ROBO1: variants seen among roughly 807,000 people sequenced by gnomAD.
ROBO1 encodes roundabout guidance receptor 1.
A neutral mutation model predicts 195.9 loss-of-function variants in ROBO1; 149 were observed. That is an observed-to-expected ratio of 0.76 (90% CI 0.67 to 0.87). The LOEUF is 0.87. ROBO1 is among the 40% of genes least tolerant of loss of function. ROBO1 has a pLI of 0.00. For synonymous variants in ROBO1, 816 were observed against 733.2 expected (o/e 1.11, Z -1.82); for missense variants, 1,933 against 2,068.3 (o/e 0.93, Z 1.27).
chr3:78,999,143 G>A (rs1395382544), intron 3 of ROBO1, among the ~76,000 whole-genome samples: 7 of 151,790 alleles, frequency 4.6e-5, no homozygotes, highest in Admixed American at 3.3e-4. Flanking sequence ...TGGAGATACC[G>A]TAAAAAAAAA....
chr3:79,382,314 G>C (rs1399791215), intron 2 of ROBO1, among the ~76,000 whole-genome samples: 1 of 152,074 alleles, frequency 6.6e-6, no homozygotes, highest in African/African-American at 2.4e-5. Flanking sequence ...AATCTAGCAA[G>C]AAGAAATAGA....
chr3:79,336,716 C>T (rs934896569), intron 2 of ROBO1, among the ~76,000 whole-genome samples: 4 of 152,174 alleles, frequency 2.6e-5, no homozygotes, highest in African/African-American at 9.7e-5. Flanking sequence ...GGCCACAGTC[C>T]TCCAGACCCA....
At chr3:78,923,728 G>A (rs1166190998) in intron 4 of ROBO1, among the ~76,000 whole-genome samples, 10 of 152,006 alleles carry the variant, frequency 6.6e-5, no homozygotes, top group Admixed American at 6.6e-4. Context: ...AGGTCCTCTG[G>A]CCTCTACCCT....
intron 20 of ROBO1, among the ~76,000 whole-genome samples, 187 bp from the exon 21 acceptor site, chr3:78,646,377 A>C (rs967398864): frequency 6.6e-6 from 1 of 150,708 alleles, no homozygotes; most frequent in Non-Finnish European, 1.5e-5. Flanking sequence ...GTATAGAATT[A>C]GATATACATA....
At chr3:79,400,261 A>G (rs185207776) in intron 2 of ROBO1, among the ~76,000 whole-genome samples, 1 of 152,236 alleles carries the variant, frequency 6.6e-6, no homozygotes, top group South Asian at 2.1e-4. Flanking sequence ...GAGTCACTCC[A>G]TAAAAGATAC....
At chr3:79,039,600 A>G (rs1344970932) in intron 3 of ROBO1, among the ~76,000 whole-genome samples, 1 of 152,066 alleles carries the variant, frequency 6.6e-6, no homozygotes, top group Non-Finnish European at 1.5e-5. Context: ...GTTCAAGACC[A>G]TCCTGGCCAA....
chr3:79,441,794 G>C (rs1410144427), intron 2 of ROBO1, among the ~76,000 whole-genome samples: 2 of 152,072 alleles, frequency 1.3e-5, no homozygotes, highest in African/African-American at 4.8e-5. Flanking sequence ...AAATGATTTA[G>C]AAGTCATACT....
intron 2 of ROBO1, among the ~76,000 whole-genome samples, chr3:79,437,168 A>C (rs1396432575): frequency 6.6e-6 from 1 of 152,082 alleles, no homozygotes; most frequent in Non-Finnish European, 1.5e-5. Context: ...TCTACCTTAA[A>C]ATGATACAGA....
chr3:79,122,253 G>A (rs144863094), intron 3 of ROBO1, among the ~76,000 whole-genome samples: 4 of 152,052 alleles, frequency 2.6e-5, no homozygotes, highest in Non-Finnish European at 4.4e-5. Context: ...TATGACACGC[G>A]TGGTTAAACA....
intron 1 of ROBO1, among the ~76,000 whole-genome samples, chr3:79,711,629 T>C (rs1158217415): frequency 6.6e-6 from 1 of 152,060 alleles, no homozygotes; most frequent in Non-Finnish European, 1.5e-5. Flanking sequence ...CTACCGCTCT[T>C]GCTAATGTTA....
chr3:79,634,782 G>T (rs1023327087), intron 1 of ROBO1, among the ~76,000 whole-genome samples: 3 of 152,068 alleles, frequency 2.0e-5, no homozygotes, highest in African/African-American at 4.8e-5. Context: ...TTATGGGAAT[G>T]TTATTAAAAA....
At chr3:79,514,757 A>G (rs1476478337) in intron 2 of ROBO1, among the ~76,000 whole-genome samples, 1 of 152,222 alleles carries the variant, frequency 6.6e-6, no homozygotes, top group Non-Finnish European at 1.5e-5. Context: ...CTTAATGTAT[A>G]CATTCAGCAA....
At chr3:78,634,727 C>G (rs1705391070) in intron 23 of ROBO1, 1 of 153,022 alleles carries the variant, frequency 6.5e-6, no homozygotes, top group African/African-American at 2.4e-5. Flanking sequence ...TTGTTATGAA[C>G]TTATGCAGGA....
intron 3 of ROBO1, among the ~76,000 whole-genome samples, chr3:79,024,002 G>A (rs985373258): frequency 1.1e-4 from 16 of 151,834 alleles, no homozygotes; most frequent in African/African-American, 3.1e-4. Flanking sequence ...GAGCCACCGC[G>A]CCTGGCCAGG....
intron 3 of ROBO1, among the ~76,000 whole-genome samples, chr3:79,117,439 T>C (rs2080026814): frequency 1.3e-5 from 2 of 152,058 alleles, no homozygotes; most frequent in African/African-American, 4.8e-5. Context: ...AGTTCATCAT[T>C]GTACTTGTTG....
At chr3:78,730,118 G>A (rs1355813594) in intron 5 of ROBO1, among the ~76,000 whole-genome samples, 1 of 152,164 alleles carries the variant, frequency 6.6e-6, no homozygotes, top group African/African-American at 2.4e-5. Context: ...TAGTATTTGA[G>A]GGGAGAAAAG....
At chr3:79,526,542 G>A (rs1941440810) in intron 2 of ROBO1, 1 of 152,164 alleles carries the variant, frequency 6.6e-6, no homozygotes, top group Non-Finnish European at 1.5e-5. Flanking sequence ...CATTTTCTGT[G>A]ACCTGAATAC....
intron 2 of ROBO1, among the ~76,000 whole-genome samples, chr3:79,351,635 TC>T (rs2035345371): frequency 2.6e-5 from 4 of 152,308 alleles, no homozygotes; most frequent in African/African-American, 9.6e-5. Context: ...TGATTATTGT[TC>T]ATTTCATCCC....
intron 1 of ROBO1, among the ~76,000 whole-genome samples, chr3:79,626,945 G>A (rs559950670): frequency 1.3e-5 from 2 of 152,194 alleles, no homozygotes; most frequent in African/African-American, 2.4e-5. Context: ...CAGCTAACAA[G>A]GGATGTGAAG....
Sources: gnomAD v4.1 joint callset for allele counts (sites outside exome capture counted in the v4.1 genomes callset) on GRCh38, gnomAD v4.1.1 for gene constraint, MANE v1.5 for transcripts, NCBI Gene and HGNC (gene_info 2026-07-23, HGNC 2026-07-21) for gene names.